Variants in ZRANB3 observed in about 807,000 individuals in gnomAD.
ZRANB3 encodes zinc finger RANBP2-type containing 3.
In ZRANB3, 125 loss-of-function variants were observed where a neutral mutation model predicts 133.8. The ratio of observed to expected loss-of-function variants is 0.93; its 90% CI spans 0.81 to 1.08. The LOEUF is 1.08. ZRANB3 is among the 50% of genes least tolerant of loss of function. The pLI, the probability that ZRANB3 is intolerant of heterozygous loss-of-function variation, is 0.00. For missense variants in ZRANB3, 1,229 were observed against 1,275.5 expected (o/e 0.96, Z 0.56); for synonymous variants, 387 against 432.7 (o/e 0.89, Z 1.31).
chr2:135,321,865 TTC>T (rs1364410603), intron 6 of ZRANB3, among the ~76,000 whole-genome samples: 2 of 152,200 alleles, frequency 1.3e-5, no homozygotes, highest in Non-Finnish European at 1.5e-5. Flanking sequence ...GTTTACAATT[TTC>T]TCTCCAAGTT....
intron 2 of ZRANB3, among the ~76,000 whole-genome samples, chr2:135,481,127 C>T (rs2104793007): frequency 6.6e-6 from 1 of 151,704 alleles, no homozygotes; most frequent in South Asian, 2.1e-4. Flanking sequence ...TGGGTATATA[C>T]CCAGTAATGG....
At chr2:135,380,697 C>T (rs951992130) in intron 3 of ZRANB3, among the ~76,000 whole-genome samples, 1 of 152,062 alleles carries the variant, frequency 6.6e-6, no homozygotes, top group Non-Finnish European at 1.5e-5. Context: ...ACTAAATGCC[C>T]TTAAGAGAAA....
chr2:135,463,343 G>C (rs1013675428), intron 2 of ZRANB3, among the ~76,000 whole-genome samples: 4 of 151,776 alleles, frequency 2.6e-5, no homozygotes, highest in Non-Finnish European at 5.9e-5. Flanking sequence ...ACAATGTTTT[G>C]GAAGGATGGC....
chr2:135,282,808 A>G (rs1681156993), intron 8 of ZRANB3, among the ~76,000 whole-genome samples: 1 of 152,216 alleles, frequency 6.6e-6, no homozygotes, highest in South Asian at 2.1e-4. Flanking sequence ...AACAAGTTAT[A>G]ATAAGGCAAT....
At chr2:135,315,674 G>T in intron 6 of ZRANB3, 144 bp from the exon 7 acceptor site, 1 of 648,568 alleles carries the variant, frequency 1.5e-6, no homozygotes. Context: ...GTTTCAAAAA[G>T]CTCAGCCTGA....
intron 1 of ZRANB3, among the ~76,000 whole-genome samples, chr2:135,510,313 G>A (rs1457030994): frequency 6.6e-6 from 1 of 152,040 alleles, no homozygotes; most frequent in Admixed American, 6.6e-5. Flanking sequence ...TGAAAAATCC[G>A]TTACTCCTAA....
At chr2:135,468,975 C>T (rs967800376) in intron 2 of ZRANB3, among the ~76,000 whole-genome samples, 2 of 152,074 alleles carry the variant, frequency 1.3e-5, no homozygotes, top group Admixed American at 6.6e-5. Context: ...ACAATGGAAC[C>T]ATACACGTTA....
At chr2:135,447,836 G>T (rs1053137620) in intron 2 of ZRANB3, among the ~76,000 whole-genome samples, 15 of 152,210 alleles carry the variant, frequency 9.9e-5, no homozygotes, top group Non-Finnish European at 2.1e-4. Context: ...TACTTATAAT[G>T]AGTTTTAATG....
rs576027653 is a variant in ZRANB3 at position 135,350,138 on chromosome 2, A to C, written c.437T>G (p.Leu146Arg). 6.8e-6 allele frequency: 11 copies of C among 1,613,484 alleles called. No individual in the cohort carries two copies. The South Asian group carries it at 1.1e-4, about 16-fold the overall frequency. The stretch of plus-strand genomic sequence containing the variant: ...AACTACTTTGAAGTTCTGATTATTC[A>C]GTGCATCTATCAAAGTCTTTGCATC... Reference protein sequence around the residue: ...TADAKTLIDALNNQNFKVVIV... With the variant: ...TADAKTLIDARNNQNFKVVIV... The change falls in exon 5 of 21, where the codon CTG (leucine) becomes CGG (arginine). Residue 146 changes from leucine to arginine, a missense_variant. Leu to Arg is a moderately radical substitution (Grantham distance 102). Coordinates refer to ENST00000264159, the MANE Select transcript of ZRANB3 (RefSeq NM_032143.4).
At chr2:135,501,763 T>C (rs1458658961) in intron 2 of ZRANB3, among the ~76,000 whole-genome samples, 2 of 152,198 alleles carry the variant, frequency 1.3e-5, no homozygotes, top group East Asian at 3.8e-4. Context: ...CTGGATTAGT[T>C]GGACTGATTC....
chr2:135,372,924 AT>A (rs1686251891), intron 3 of ZRANB3, among the ~76,000 whole-genome samples: 1 of 152,052 alleles, frequency 6.6e-6, no homozygotes. Flanking sequence ...CTAAAAAAAA[AT>A]TAAAAAATTA....
intron 1 of ZRANB3, among the ~76,000 whole-genome samples, chr2:135,509,380 A>G (rs1693339122): frequency 6.6e-6 from 1 of 152,188 alleles, no homozygotes; most frequent in African/African-American, 2.4e-5. Flanking sequence ...ATAACAAATA[A>G]TGTTAACGGA....
intron 8 of ZRANB3, among the ~76,000 whole-genome samples, chr2:135,305,871 CT>C (rs755525895): frequency 1.3e-5 from 2 of 151,288 alleles, no homozygotes; most frequent in East Asian, 1.9e-4. Flanking sequence ...TGGCTGAAAG[CT>C]TTTTTTTTCT....
At chr2:135,456,878 A>C (rs1574133249) in intron 2 of ZRANB3, among the ~76,000 whole-genome samples, 1 of 152,210 alleles carries the variant, frequency 6.6e-6, no homozygotes, top group Non-Finnish European at 1.5e-5. Context: ...TGGTCTCTAA[A>C]TTCTGAAATA....
At chr2:135,300,050 C>A (rs1479943067) in intron 8 of ZRANB3, among the ~76,000 whole-genome samples, 1 of 152,088 alleles carries the variant, frequency 6.6e-6, no homozygotes, top group Non-Finnish European at 1.5e-5. Flanking sequence ...GGAAAGATGA[C>A]TCAATACTCT....
At chr2:135,489,807 A>G (rs1455618296) in intron 2 of ZRANB3, among the ~76,000 whole-genome samples, 1 of 152,058 alleles carries the variant, frequency 6.6e-6, no homozygotes, top group Non-Finnish European at 1.5e-5. Flanking sequence ...AAGAATGCAA[A>G]AGAGAAAAAA....
At chr2:135,218,949 AC>A in intron 16 of ZRANB3, 127 bp downstream of exon 16, 1 of 584,406 alleles carries the variant, frequency 1.7e-6, no homozygotes, top group Non-Finnish European at 2.9e-6. Context: ...TGAAAATGCA[AC>A]CAGTGATTTG....
chr2:135,509,010 C>T (rs1375395541), intron 1 of ZRANB3, among the ~76,000 whole-genome samples: 1 of 151,778 alleles, frequency 6.6e-6, no homozygotes, highest in Non-Finnish European at 1.5e-5. Flanking sequence ...GCGGGGGGAG[C>T]CTATCAAAAT....
chr2:135,526,059 T>C (rs1694146776), intron 1 of ZRANB3, among the ~76,000 whole-genome samples: 1 of 152,024 alleles, frequency 6.6e-6, no homozygotes. Context: ...GTTGCAGTTG[T>C]TGTTTGATAA....
Sources: gnomAD v4.1 joint callset for allele counts (sites outside exome capture counted in the v4.1 genomes callset) on GRCh38, gnomAD v4.1.1 for gene constraint, MANE v1.5 for transcripts, NCBI Gene and HGNC (gene_info 2026-07-23, HGNC 2026-07-21) for gene names.